Variants in LMTK2 observed in about 807,000 individuals in gnomAD.
LMTK2 encodes the protein lemur tail kinase 2, also known as serine/threonine-protein kinase LMTK2.
Under a neutral mutation model 127.5 loss-of-function variants are expected in LMTK2, and 37 were observed. The observed-to-expected ratio is 0.29, with a 90% CI of 0.22 to 0.38. The LOEUF (loss-of-function observed/expected upper bound fraction) is 0.38. LMTK2 is among the 10% of genes least tolerant of loss of function. LMTK2 has a pLI of 1.00. For missense variants in LMTK2, 1,694 were observed against 1,920.3 expected (o/e 0.88, Z 2.20); for synonymous variants, 819 against 810.1 (o/e 1.01, Z -0.19).
At chr7:98,134,153 A>T (rs73710378) in intron 1 of LMTK2, among the ~76,000 whole-genome samples, 1 of 152,206 alleles carries the variant, frequency 6.6e-6, no homozygotes, top group Non-Finnish European at 1.5e-5. Flanking sequence ...TCATGGGCAT[A>T]TCAGTTTCTT....
At chr7:98,151,977 G>T (rs571694645) in intron 4 of LMTK2, among the ~76,000 whole-genome samples, 16 of 151,814 alleles carry the variant, frequency 1.1e-4, no homozygotes, top group Admixed American at 7.2e-4. Flanking sequence ...CATAACAAAG[G>T]CCTTTAAAAA....
At chr7:98,150,167 G>C (rs1265286224) in intron 3 of LMTK2, among the ~76,000 whole-genome samples, 1 of 152,072 alleles carries the variant, frequency 6.6e-6, no homozygotes, top group Non-Finnish European at 1.5e-5. Context: ...AAGTAGTCGG[G>C]CGTGGTAGCA....
intron 6 of LMTK2, among the ~76,000 whole-genome samples, chr7:98,161,934 G>A (rs1366307919): frequency 1.3e-5 from 2 of 152,200 alleles, no homozygotes; most frequent in Non-Finnish European, 2.9e-5. Flanking sequence ...AAATAGAGCC[G>A]GAGGCAGCAT....
intron 4 of LMTK2, among the ~76,000 whole-genome samples, chr7:98,153,474 T>G (rs1796885736): frequency 6.6e-6 from 1 of 151,996 alleles, no homozygotes; most frequent in Non-Finnish European, 1.5e-5. Context: ...TTGAAAGAAG[T>G]TGTTCAGGGG....
chr7:98,119,787 C>G (rs1449129988), intron 1 of LMTK2, among the ~76,000 whole-genome samples: 1 of 152,180 alleles, frequency 6.6e-6, no homozygotes, highest in Non-Finnish European at 1.5e-5. Context: ...AATGGGTGTG[C>G]TGTAACGTGA....
intron 11 of LMTK2, among the ~76,000 whole-genome samples, chr7:98,200,749 T>A (rs1797693654): frequency 6.6e-6 from 1 of 152,246 alleles, no homozygotes; most frequent in Non-Finnish European, 1.5e-5. Context: ...CAGTCATCTC[T>A]AGATTACTTA....
intron 1 of LMTK2, among the ~76,000 whole-genome samples, chr7:98,114,680 C>A (rs377002533): frequency 1.3e-5 from 2 of 152,112 alleles, no homozygotes; most frequent in African/African-American, 4.8e-5. Context: ...TCTGCTGCAG[C>A]GCATCTGTTG....
At chr7:98,144,988 T>C (rs10275267) in intron 3 of LMTK2, among the ~76,000 whole-genome samples, 19,748 of 152,202 alleles carry the variant, frequency 0.13, 1,351 homozygotes, top group East Asian at 0.19. Context: ...CTGTGTTGTT[T>C]TGCAGGTGGT....
chr7:98,151,777 C>T (rs1342046377), intron 4 of LMTK2, among the ~76,000 whole-genome samples: 2 of 152,194 alleles, frequency 1.3e-5, no homozygotes, highest in African/African-American at 2.4e-5. Flanking sequence ...TGGCTGAATC[C>T]GGATCAGGTG....
At chr7:98,184,915 G>C in intron 7 of LMTK2, 136 bp from the exon 8 acceptor site, 3 of 579,456 alleles carry the variant, frequency 5.2e-6, no homozygotes, top group Non-Finnish European at 9.6e-6. Context: ...AAAGAATTTT[G>C]AGAGGTTAAT....
rs752005062 is a variant in LMTK2, at chr7:98,205,504, C to G, written c.*12C>G. ...GAGAAAAGGACTAGGTGGCTGCCAA[C>G]GCGCACGCTCGGGTCCGAGGCTGCT... On this transcript the variant is annotated 3_prime_UTR_variant, in exon 14 of 14. Transcript: ENST00000297293. 9.9e-6 allele frequency: 16 copies of G among 1,612,190 alleles called. No individual in the cohort carries two copies. In the Admixed American group the frequency reaches 1.5e-4, roughly 15 times the overall value.
chr7:98,176,716 A>G (rs1297083429), intron 7 of LMTK2, among the ~76,000 whole-genome samples: 1 of 152,064 alleles, frequency 6.6e-6, no homozygotes, highest in Non-Finnish European at 1.5e-5. Context: ...GCGTGGTGGC[A>G]CATGCCTGTA....
At chr7:98,137,592 T>C (rs1253024011) in intron 2 of LMTK2, 150 bp downstream of exon 2, 1 of 662,366 alleles carries the variant, frequency 1.5e-6, no homozygotes, top group African/African-American at 1.9e-5. Flanking sequence ...CCTTAGTGAA[T>C]AGTAAATATT....
chr7:98,117,231 A>T (rs967928078), intron 1 of LMTK2, among the ~76,000 whole-genome samples: 4 of 152,094 alleles, frequency 2.6e-5, no homozygotes, highest in Non-Finnish European at 5.9e-5. Flanking sequence ...AGACTCGCGT[A>T]TTCTCTTCTT....
intron 1 of LMTK2, among the ~76,000 whole-genome samples, chr7:98,128,548 T>A (rs1407682860): frequency 6.6e-6 from 1 of 152,252 alleles, no homozygotes; most frequent in East Asian, 1.9e-4. Flanking sequence ...AGCAAACTGA[T>A]ACGCGCAGTG....
chr7:98,180,108 A>G (rs554920623), intron 7 of LMTK2, among the ~76,000 whole-genome samples: 12 of 151,736 alleles, frequency 7.9e-5, no homozygotes, highest in African/African-American at 2.9e-4. Flanking sequence ...TGAAGTAAGT[A>G]TTTTTTGAAT....
At position 98,193,015 on chromosome 7, in the gene LMTK2, G is replaced by A. The variant is rs372806747; in HGVS notation, c.2550G>A (p.Pro850=). Residue 850 remains proline (P), a synonymous_variant, in exon 11 of 14, where the codon CCG becomes CCA. Coordinates refer to ENST00000297293, the MANE Select transcript of LMTK2 (RefSeq NM_014916.4). The surrounding 1 kb of genome is among the most constrained non-coding windows in gnomAD (Gnocchi z 4.1). ...TQPTCLDVIV[P]EDCLHQDISP... ...CCACGTGTTTAGATGTTATTGTCCC[G>A]GAGGACTGTCTCCACCAGGACATCA... 11 of 1,613,868 alleles carry A rather than the reference G, an allele frequency of 6.8e-6. No homozygotes were observed. The highest frequency in any genetic ancestry group is 1.7e-5 in the Admixed American group (1 of 59,980).
chr7:98,147,573 G>C (rs1205379317), intron 3 of LMTK2, among the ~76,000 whole-genome samples: 1 of 151,884 alleles, frequency 6.6e-6, no homozygotes, highest in African/African-American at 2.4e-5. Context: ...CATGCCCTCT[G>C]TTTCCTTTTC....
At chr7:98,190,598 A>G in intron 9 of LMTK2, 130 bp from the exon 10 acceptor site, 1 of 897,922 alleles carries the variant, frequency 1.1e-6, no homozygotes, top group Non-Finnish European at 1.8e-6. Flanking sequence ...AACAACAACA[A>G]CAAAGATCCT....
Sources: allele counts gnomAD v4.1 joint callset (sites outside exome capture counted in the v4.1 genomes callset), GRCh38; gene constraint gnomAD v4.1.1; non-coding constraint Gnocchi (gnomAD v3.1); transcripts MANE v1.5; gene names NCBI Gene and HGNC (gene_info 2026-07-23, HGNC 2026-07-21).